The following POU6F2 variants were observed in gnomAD, a reference collection of about 807,000 sequenced individuals.
POU6F2 encodes POU domain, class 6, transcription factor 2.
POU6F2 carries 31 observed loss-of-function variants against 71.3 expected under a neutral mutation model. The observed-to-expected ratio is 0.43, with a 90% CI of 0.33 to 0.59. The LOEUF (loss-of-function observed/expected upper bound fraction) is 0.59. Ranked by LOEUF, POU6F2 falls within the 20% of genes least tolerant of loss-of-function variation. POU6F2 has a pLI of 0.04. For missense variants in POU6F2, 783 were observed against 856.8 expected (o/e 0.91, Z 1.07); for synonymous variants, 347 against 355.7 (o/e 0.98, Z 0.27).
At chr7:39,278,738 CA>C (rs1358910895) in intron 4 of POU6F2, among the ~76,000 whole-genome samples, 1 of 152,142 alleles carries the variant, frequency 6.6e-6, no homozygotes, top group Non-Finnish European at 1.5e-5. Flanking sequence ...CGCTGGCATA[CA>C]GGGGGCTATA....
At chr7:39,263,164 A>G (rs1784170955) in intron 4 of POU6F2, among the ~76,000 whole-genome samples, 1 of 152,224 alleles carries the variant, frequency 6.6e-6, no homozygotes, top group Non-Finnish European at 1.5e-5. Context: ...AAGTATTAAA[A>G]AGAAAACTAG....
intron 4 of POU6F2, among the ~76,000 whole-genome samples, chr7:39,314,803 A>G (rs1221324810): frequency 1.3e-5 from 2 of 152,180 alleles, no homozygotes; most frequent in African/African-American, 4.8e-5. Flanking sequence ...TAAAAAAAGA[A>G]TTGTTCCTAG....
rs370012336 is a variant in POU6F2 at position 39,142,042 on chromosome 7, G to A, written c.277+56011G>A. 1.4e-3 allele frequency among the ~76,000 whole-genome samples: 214 copies of A among 152,092 alleles called. 3 individuals carry two copies. In the South Asian group the frequency reaches 0.023, roughly 16 times the overall value. On this transcript the variant is annotated intron_variant, in intron 2 of 9. Coordinates refer to ENST00000518318, the MANE Select transcript of POU6F2 (RefSeq NM_001370959.1). ...ATGGAGGTTGCAGTGAGCGGAGATC[G>A]TGCCACTGTACTCCAGCCTAGGTGA...
chr7:38,979,295 TATATC>T (rs1788256526), intron 1 of POU6F2, among the ~76,000 whole-genome samples: 1 of 152,030 alleles, frequency 6.6e-6, no homozygotes, highest in Non-Finnish European at 1.5e-5. Context: ...TGGTGGAAAA[TATATC>T]ATCTTATTCT....
chr7:39,297,756 A>G (rs1351524369), intron 4 of POU6F2, among the ~76,000 whole-genome samples: 2 of 148,302 alleles, frequency 1.3e-5, no homozygotes, highest in Non-Finnish European at 2.9e-5. Context: ...TTCAAACTAT[A>G]TTACAAGGCT....
At chr7:39,122,425 G>A (rs1484241653) in intron 2 of POU6F2, among the ~76,000 whole-genome samples, 2 of 152,168 alleles carry the variant, frequency 1.3e-5, no homozygotes, top group African/African-American at 2.4e-5. Flanking sequence ...ACCTGAATGG[G>A]CATGTTCATA....
At chr7:39,316,858 T>C (rs1785277475) in intron 4 of POU6F2, among the ~76,000 whole-genome samples, 1 of 152,156 alleles carries the variant, frequency 6.6e-6, no homozygotes, top group African/African-American at 2.4e-5. Context: ...AACCACCTAA[T>C]AATAAAAGAG....
chr7:39,385,665 A>G (rs1049207513), intron 5 of POU6F2, among the ~76,000 whole-genome samples: 1 of 152,272 alleles, frequency 6.6e-6, no homozygotes, highest in South Asian at 2.1e-4. Context: ...GAGGCTTGGT[A>G]TGGGGATGCC....
chr7:39,011,587 G>C (rs1789286259), intron 1 of POU6F2, among the ~76,000 whole-genome samples: 1 of 145,864 alleles, frequency 6.9e-6, no homozygotes, highest in Non-Finnish European at 1.5e-5. Flanking sequence ...TGGTGATTTT[G>C]CTCATTAGTT....
Position 39,191,047 on chromosome 7 carries a change from G to A in POU6F2, c.278-13188G>A, listed in dbSNP as rs1049531311. ...AATTGTACGTCAAAATCTCCAGTTTGTTCGACTTCCTATTGTCTGTGCCAT... is the reference window on the plus strand; with the variant it reads ...AATTGTACGTCAAAATCTCCAGTTTATTCGACTTCCTATTGTCTGTGCCAT... On this transcript the variant is annotated intron_variant, in intron 2 of 9. Coordinates refer to ENST00000518318, the MANE Select transcript of POU6F2 (RefSeq NM_001370959.1). 7.9e-5 allele frequency among the ~76,000 whole-genome samples: 12 copies of A among 152,270 alleles called. No individual in the cohort carries two copies. In the East Asian group the frequency reaches 2.3e-3, roughly 29 times the overall value.
chr7:39,221,839 A>G (rs1233729776), intron 4 of POU6F2, among the ~76,000 whole-genome samples: 1 of 152,250 alleles, frequency 6.6e-6, no homozygotes, highest in African/African-American at 2.4e-5. Context: ...TGTGATGAGT[A>G]CACAGGCCCT....
intron 2 of POU6F2, among the ~76,000 whole-genome samples, chr7:39,170,773 G>C (rs1000915971): frequency 6.6e-6 from 1 of 151,956 alleles, no homozygotes; most frequent in Non-Finnish European, 1.5e-5. Flanking sequence ...ATAAATGTTT[G>C]AGGCGACAGG....
intron 2 of POU6F2, among the ~76,000 whole-genome samples, chr7:39,145,383 G>C (rs548131493): frequency 6.6e-6 from 1 of 152,154 alleles, no homozygotes; most frequent in Admixed American, 6.5e-5. Flanking sequence ...ACACAGTTTC[G>C]ACCAGTGTAT....
At chr7:39,122,518 G>T (rs935275933) in intron 2 of POU6F2, among the ~76,000 whole-genome samples, 1 of 152,162 alleles carries the variant, frequency 6.6e-6, no homozygotes, top group African/African-American at 2.4e-5. Flanking sequence ...TTAAAAGACA[G>T]CATGAAGTGT....
chr7:39,163,545 C>T (rs1180131858), intron 2 of POU6F2, among the ~76,000 whole-genome samples: 1 of 152,082 alleles, frequency 6.6e-6, no homozygotes, highest in East Asian at 1.9e-4. Flanking sequence ...TCTCTTGCGT[C>T]AATAGTGTTT....
At chr7:39,251,697 C>T (rs927949038) in intron 4 of POU6F2, among the ~76,000 whole-genome samples, 5 of 152,196 alleles carry the variant, frequency 3.3e-5, no homozygotes, top group Non-Finnish European at 7.3e-5. Context: ...CCTCATGTAG[C>T]AAATGCAGTC....
At chr7:39,134,830 G>A (rs1220026532) in intron 2 of POU6F2, among the ~76,000 whole-genome samples, 1 of 152,140 alleles carries the variant, frequency 6.6e-6, no homozygotes, top group Non-Finnish European at 1.5e-5. Context: ...AATGAGTCCT[G>A]TATTTTTTAA....
In POU6F2 at chr7:39,466,509, TG is replaced by T. The variant is rs1431569938; in HGVS notation, c.*1824del. The T allele has an allele frequency of 1.3e-5, 2 of 152,236 alleles. No homozygotes were observed. The highest frequency in any genetic ancestry group is 2.9e-5 in the Non-Finnish European group (2 of 68,046). 9.4% of individuals were successfully genotyped at this position (152,236 alleles called of 1,614,324 possible). The stretch of plus-strand genomic sequence containing the variant: ...TATGCATAATTTATAATCATGCTAA[TG>T]TATTATCTAGAAGTAAGTTGTGAAA... On this transcript the variant is annotated 3_prime_UTR_variant, in exon 10 of 10. Coordinates refer to ENST00000518318, the MANE Select transcript of POU6F2 (RefSeq NM_001370959.1).
rs528688954 is a variant in POU6F2 at position 39,372,379 on chromosome 7, G to A, written c.972+32364G>A. ...TTTTGGGGGACATGTATTAGTCAGT[G>A]TTCTCCAGAGAAAAAGGATCAATAG... is the stretch of plus-strand genomic sequence containing the variant. On this transcript the variant is annotated intron_variant, in intron 5 of 9. Coordinates refer to ENST00000518318, the MANE Select transcript of POU6F2 (RefSeq NM_001370959.1). 1.5e-4 allele frequency among the ~76,000 whole-genome samples: 23 copies of A among 152,272 alleles called. No homozygotes were observed. The South Asian group carries it at 1.7e-3, about 11-fold the overall frequency.
Sources: gnomAD v4.1 joint callset for allele counts (sites outside exome capture counted in the v4.1 genomes callset) on GRCh38, gnomAD v4.1.1 for gene constraint, MANE v1.5 for transcripts, NCBI Gene and HGNC (gene_info 2026-07-23, HGNC 2026-07-21) for gene names.